Variants in MTMR2 observed in about 807,000 individuals in gnomAD.
MTMR2 encodes the protein myotubularin related protein 2.
Under a neutral mutation model 86.9 loss-of-function variants are expected in MTMR2, and 55 were observed. That is an observed-to-expected ratio of 0.63 (90% CI 0.51 to 0.79). The LOEUF (loss-of-function observed/expected upper bound fraction) is 0.79, where lower values mean the gene tolerates loss of function less well. Among genes scored for constraint, MTMR2 ranks in the 30% least tolerant of loss-of-function variants. The pLI is 0.00. For synonymous variants in MTMR2, 241 were observed against 266.8 expected, an observed-to-expected ratio of 0.90 and a Z score of 0.94; for missense variants, 659 against 772.3, an observed-to-expected ratio of 0.85 and a Z score of 1.74.
rs1291841605 is a variant in MTMR2 at position 95,888,037 on chromosome 11, G to A, written c.186+119C>T. ...CTGGCCTATTCTGGGATATTTTGTA[G>A]ACCGGGATCTATGAGAATACTCCAT... On this transcript the variant is annotated intron_variant, in intron 2 of 14. Coordinates refer to ENST00000346299, the MANE Select transcript of MTMR2 (RefSeq NM_016156.6). 12 of 773,332 alleles carry A rather than the reference G, an allele frequency of 1.6e-5. No individual in the cohort carries two copies. The African/African-American group carries it at 1.7e-4, about 11-fold the overall frequency. The allele number at this position is 773,332 out of a possible 1,614,324, so 47.9% of individuals were successfully genotyped here.
intron 2 of MTMR2, among the ~76,000 whole-genome samples, chr11:95,872,384 C>T (rs1395027558): frequency 6.6e-6 from 1 of 152,088 alleles, no homozygotes; most frequent in Non-Finnish European, 1.5e-5. Flanking sequence ...TTTGAAGCAA[C>T]TGTGAATGGG....
intron 12 of MTMR2, among the ~76,000 whole-genome samples, 187 bp from the exon 13 acceptor site, chr11:95,838,394 T>A (rs754836790): frequency 6.6e-6 from 1 of 152,060 alleles, no homozygotes; most frequent in African/African-American, 2.4e-5. Context: ...ACTTTTCTGA[T>A]CATGATGTTT....
At chr11:95,903,198 C>T (rs1206862133) in intron 1 of MTMR2, among the ~76,000 whole-genome samples, 10 of 152,146 alleles carry the variant, frequency 6.6e-5, no homozygotes, top group African/African-American at 2.4e-4. Flanking sequence ...AAATTTCAAA[C>T]ACTCTACTGT....
In MTMR2 at chr11:95,862,059, CTATT is replaced by C; in HGVS notation, c.397_400del (p.Asn133GlufsTer2). 1 of 1,613,922 alleles carries C rather than the reference CTATT, an allele frequency of 6.2e-7. No homozygotes were observed. On this transcript the variant is annotated frameshift_variant, in exon 5 of 15. Coordinates refer to ENST00000346299, the MANE Select transcript of MTMR2 (RefSeq NM_016156.6). LOFTEE classifies it high-confidence loss of function. ...AGAAGCACCACCAATTTTTTCTACT[CTATT>C]TATCACACCAAGGGAAGCATCTAAA...
intron 1 of MTMR2, among the ~76,000 whole-genome samples, chr11:95,914,569 A>C (rs1264533798): frequency 1.3e-5 from 2 of 152,018 alleles, no homozygotes; most frequent in Non-Finnish European, 2.9e-5. Flanking sequence ...AAAGAAAAAA[A>C]AACATCCTAT....
chr11:95,885,501 G>C (rs182789998), intron 2 of MTMR2, among the ~76,000 whole-genome samples: 2 of 152,140 alleles, frequency 1.3e-5, no homozygotes, highest in South Asian at 2.1e-4. Flanking sequence ...CGAGAGCATA[G>C]CAAAGGAACA....
intron 1 of MTMR2, among the ~76,000 whole-genome samples, chr11:95,899,745 A>G (rs1866004329): frequency 6.6e-6 from 1 of 152,152 alleles, no homozygotes; most frequent in Non-Finnish European, 1.5e-5. Context: ...ACTTGTTAGT[A>G]GGATTTGATG....
Position 95,835,125 on chromosome 11 carries a change from A to G in MTMR2, c.*165T>C. The G allele has an allele frequency of 1.4e-6, 1 of 700,862 alleles. No homozygotes were observed. Among genetic ancestry groups the G allele is most frequent in the South Asian group, 1.7e-5 (1 of 59,834 alleles). 43.4% of individuals were successfully genotyped at this position (700,862 alleles called of 1,614,324 possible). On this transcript the variant is annotated 3_prime_UTR_variant, in exon 15 of 15. Coordinates refer to ENST00000346299, the MANE Select transcript of MTMR2 (RefSeq NM_016156.6). The stretch of plus-strand genomic sequence containing the variant: ...CATATGGAGTTACTTCACTTAAGCC[A>G]CCTGCACTGCTACAGTTCTAAACTC...
intron 5 of MTMR2, among the ~76,000 whole-genome samples, chr11:95,859,375 A>G (rs1169725350): frequency 1.3e-5 from 2 of 152,214 alleles, no homozygotes; most frequent in Non-Finnish European, 2.9e-5. Flanking sequence ...GTTCCGGTTT[A>G]CTGGTATCTT....
rs80094838 is a variant in MTMR2 at position 95,886,959 on chromosome 11, T to C, written c.186+1197A>G. 3.2e-3 allele frequency among the ~76,000 whole-genome samples: 481 copies of C among 152,274 alleles called. 3 individuals are homozygous for C. Among genetic ancestry groups the C allele is most frequent in the African/African-American group, 0.011 (460 of 41,574 alleles). ...TATGCTTCAAGATAATGGCTAATGATAGCATGAAGTTTTCATAATTAGCAT... is the reference window on the plus strand; with the variant it reads ...TATGCTTCAAGATAATGGCTAATGACAGCATGAAGTTTTCATAATTAGCAT... On this transcript the variant is annotated intron_variant, in intron 2 of 14. Transcript: ENST00000346299.
chr11:95,888,119 A>C, intron 2 of MTMR2, 37 bp downstream of exon 2: 1 of 1,437,022 alleles, frequency 7.0e-7, no homozygotes, highest in Non-Finnish European at 9.8e-7. Context: ...TATTTAACAG[A>C]AAGTACTTCA....
rs1382833195 is a variant in MTMR2 at position 95,838,127 on chromosome 11, G to T, written c.1560C>A (p.Phe520Leu). 9.9e-6 allele frequency: 16 copies of T among 1,609,208 alleles called. No homozygotes were observed. The highest frequency in any genetic ancestry group is 1.4e-5 in the Non-Finnish European group (16 of 1,175,886). ...CTCTCTGTTGTTCACTATTACAGAG[G>T]AATGTTCCGAATAAGCAGCTGTATA... is the stretch of plus-strand genomic sequence containing the variant. ...DHLYSCLFGTFLCNSEQQRGK... is the reference protein window; with the variant it reads ...DHLYSCLFGTLLCNSEQQRGK... The change falls in exon 13 of 15, where the codon TTC (phenylalanine) becomes TTA (leucine). Residue 520 changes from phenylalanine (F) to leucine (L), a missense_variant. Transcript: ENST00000346299.
chr11:95,893,734 C>G (rs1865790830), intron 1 of MTMR2, among the ~76,000 whole-genome samples: 1 of 152,124 alleles, frequency 6.6e-6, no homozygotes, highest in Non-Finnish European at 1.5e-5. Flanking sequence ...TCCCACACAG[C>G]TATCACATCC....
intron 1 of MTMR2, among the ~76,000 whole-genome samples, chr11:95,916,771 A>C (rs1426383537): frequency 6.6e-6 from 1 of 152,182 alleles, no homozygotes; most frequent in Non-Finnish European, 1.5e-5. Flanking sequence ...CTCTAGACTA[A>C]AAATATTTAA....
At chr11:95,867,415 G>GT (rs1864656282) in intron 2 of MTMR2, among the ~76,000 whole-genome samples, 1 of 152,108 alleles carries the variant, frequency 6.6e-6, no homozygotes, top group African/African-American at 2.4e-5. Context: ...AAGGCACACA[G>GT]AAACATGGGA....
intron 5 of MTMR2, among the ~76,000 whole-genome samples, chr11:95,860,945 C>G (rs1446888810): frequency 6.6e-6 from 1 of 152,018 alleles, no homozygotes; most frequent in Admixed American, 6.6e-5. Flanking sequence ...ATCACGAGGT[C>G]AGGAGATTGG....
chr11:95,838,556 G>A (rs993877210), intron 12 of MTMR2, among the ~76,000 whole-genome samples: 17 of 151,904 alleles, frequency 1.1e-4, no homozygotes, highest in African/African-American at 4.1e-4. Context: ...TCTTTTTTAA[G>A]GATTACACAC....
rs1451574932 is a variant in MTMR2 at position 95,888,173 on chromosome 11, A to AGTT, written c.166_168dup (p.Asn56dup). 1 of 1,612,342 alleles carries AGTT rather than the reference A, an allele frequency of 6.2e-7. No individual in the cohort carries two copies. Among genetic ancestry groups the AGTT allele is most frequent in the South Asian group, 1.1e-5 (1 of 91,038 alleles). On this transcript the variant is annotated inframe_insertion, in exon 2 of 15. Coordinates refer to ENST00000346299, the MANE Select transcript of MTMR2 (RefSeq NM_016156.6). The stretch of plus-strand genomic sequence containing the variant: ...ATACATACCCTCAAATCAGGAGAAA[A>AGTT]GTTGTCGGCAGAAGTTGAAATGGAA...
chr11:95,896,277 G>A (rs1208492200), intron 1 of MTMR2, among the ~76,000 whole-genome samples: 1 of 151,222 alleles, frequency 6.6e-6, no homozygotes, highest in Non-Finnish European at 1.5e-5. Context: ...CTCTTCTTAC[G>A]TATCTTTGCA....
Sources: allele counts gnomAD v4.1 joint callset (sites outside exome capture counted in the v4.1 genomes callset), GRCh38; gene constraint gnomAD v4.1.1; transcripts MANE v1.5; gene names NCBI Gene and HGNC (gene_info 2026-07-23, HGNC 2026-07-21).